The following CHEK2 variants were observed in gnomAD, a reference collection of about 807,000 sequenced individuals.
CHEK2 encodes the protein checkpoint kinase 2.
CHEK2 carries 71 observed loss-of-function variants against 69.1 expected under a neutral mutation model. That is an observed-to-expected ratio of 1.03 (90% confidence interval 0.85 to 1.25). The LOEUF (loss-of-function observed/expected upper bound fraction) is 1.25, where lower values mean the gene tolerates loss of function less well. Among genes scored for constraint, CHEK2 ranks in the 50% most tolerant of loss-of-function variants. The pLI is 0.00. For missense variants in CHEK2, 664 were observed against 649.6 expected, an observed-to-expected ratio of 1.02 and a Z score of -0.24; for synonymous variants, 189 against 226.9, an observed-to-expected ratio of 0.83 and a Z score of 1.50.
rs1555932027 is a variant in CHEK2 at position 28,734,407 on chromosome 22, A to T, written c.315T>A (p.Asn105Lys). 6.2e-7 allele frequency: 1 copy of T among 1,613,848 alleles called. No homozygotes were observed. ...CTATACAACAAAGGGTCTTACCAAGATTGGCAAATCCATCCTGAAGGGCCC... is the reference window on the plus strand; with the variant it reads ...CTATACAACAAAGGGTCTTACCAAGTTTGGCAAATCCATCCTGAAGGGCCC... ...RLWALQDGFA[N>K]LECVNDNYWF... Residue 105 changes from asparagine to lysine, a missense_variant, in exon 2 of 15, where the codon AAT (asparagine) becomes AAA (lysine). Physicochemically the swap from Asn to Lys is moderately conservative, Grantham distance 94. Coordinates refer to ENST00000404276, the MANE Select transcript of CHEK2 (RefSeq NM_007194.4).
intron 8 of CHEK2, among the ~76,000 whole-genome samples, chr22:28,702,498 T>A (rs578172133): frequency 2.0e-4 from 30 of 149,906 alleles, no homozygotes; most frequent in East Asian, 7.9e-4. Flanking sequence ...TTGGCCTCCC[T>A]AAGTGCTGGG....
At chr22:28,731,871 C>G (rs944069666) in intron 2 of CHEK2, among the ~76,000 whole-genome samples, 2 of 152,000 alleles carry the variant, frequency 1.3e-5, no homozygotes, top group Non-Finnish European at 2.9e-5. Context: ...CCATTTAGCC[C>G]TTTCTCACCA....
chr22:28,705,719 A>C (rs2053098220), intron 7 of CHEK2, among the ~76,000 whole-genome samples: 1 of 152,148 alleles, frequency 6.6e-6, no homozygotes, highest in South Asian at 2.1e-4. Flanking sequence ...TGAGGTCAGG[A>C]GTTCGTGACC....
chr22:28,731,592 T>C (rs903183479), intron 2 of CHEK2, among the ~76,000 whole-genome samples: 2 of 152,078 alleles, frequency 1.3e-5, no homozygotes, highest in African/African-American at 4.8e-5. Flanking sequence ...TGAGACTCCG[T>C]CTCAAATAAT....
At chr22:28,709,539 A>G (rs2073326) in intron 7 of CHEK2, among the ~76,000 whole-genome samples, 1 of 152,184 alleles carries the variant, frequency 6.6e-6, no homozygotes, top group Non-Finnish European at 1.5e-5. Context: ...TCCCAGCTAA[A>G]TGACAGCTAG....
At position 28,719,491 on chromosome 22, in the gene CHEK2, GAAGAA is replaced by G. The variant is rs863224414; in HGVS notation, c.593-11_593-7del. The stretch of plus-strand genomic sequence containing the variant: ...CAGATCAAAAAAGACAAAAACTAAG[GAAGAA>G]AAGAGTAGAAATGGGTTTCATTAAT... On this transcript the variant is annotated splice_polypyrimidine_tract_variant and splice_region_variant and intron_variant, in intron 4 of 14. Transcript: ENST00000404276. The G allele has an allele frequency of 3.7e-5, 56 of 1,527,008 alleles. No homozygotes were observed. Among genetic ancestry groups the G allele is most frequent in the Middle Eastern group, 3.5e-4 (2 of 5,794 alleles). 94.6% of individuals were successfully genotyped at this position (1,527,008 alleles called of 1,614,324 possible).
chr22:28,723,604 A>C (rs1012682287), intron 4 of CHEK2, among the ~76,000 whole-genome samples: 2 of 143,486 alleles, frequency 1.4e-5, no homozygotes, highest in African/African-American at 2.6e-5. Flanking sequence ...TCACAAGGAA[A>C]AAAAAAGAAA....
chr22:28,725,464 G>C (rs2146074367), intron 2 of CHEK2, 97 bp from the exon 3 acceptor site: 1 of 1,394,494 alleles, frequency 7.2e-7, no homozygotes, highest in East Asian at 2.3e-5. Context: ...AATAGCCTAA[G>C]AAGGCAATCA....
At position 28,687,875 on chromosome 22, in the gene CHEK2, T is replaced by C. The variant is rs1282403926; in HGVS notation, c.*22A>G. The stretch of plus-strand genomic sequence containing the variant: ...GACAGAGTGAAAGAAGGTACATTTC[T>C]TTCGTGTTCAAACCACGGAGTTCAC... On this transcript the variant is annotated 3_prime_UTR_variant, in exon 15 of 15. Transcript: ENST00000404276. 1 of 1,572,824 alleles carries C rather than the reference T, an allele frequency of 6.4e-7. No individual in the cohort carries two copies. Among genetic ancestry groups the C allele is most frequent in the Non-Finnish European group, 8.6e-7 (1 of 1,158,378 alleles).
chr22:28,687,820 T>C lies in CHEK2; in HGVS notation c.*77A>G, dbSNP rs2052176681. The stretch of plus-strand genomic sequence containing the variant: ...ATTCCCATAATTAAAATACAAACTA[T>C]AAAAAAACAGACTCAAAGAAAAGAA... On this transcript the variant is annotated 3_prime_UTR_variant, in exon 15 of 15. Coordinates refer to ENST00000404276, the MANE Select transcript of CHEK2 (RefSeq NM_007194.4). The C allele has an allele frequency of 2.6e-6, 3 of 1,161,958 alleles. No homozygotes were observed. The highest frequency in any genetic ancestry group is 1.6e-5 in the African/African-American group (1 of 64,412). The allele number at this position is 1,161,958 out of a possible 1,614,324, so 72.0% of individuals were successfully genotyped here.
intron 9 of CHEK2, among the ~76,000 whole-genome samples, chr22:28,698,381 T>A (rs1258322538): frequency 3.3e-5 from 5 of 151,984 alleles, no homozygotes. Flanking sequence ...GGCGACACAG[T>A]GAGACATCAT....
In CHEK2 at chr22:28,710,074, A is replaced by T; in HGVS notation, c.793-15T>A. On this transcript the variant is annotated splice_polypyrimidine_tract_variant and intron_variant, in intron 6 of 14. Transcript: ENST00000404276. ...AGAGCTGGGTCCTTTGATAAACAGA[A>T]TAACAGAGTTTATTAGTAATAATAA... 6.6e-7 allele frequency: 1 copy of T among 1,521,010 alleles called. No individual in the cohort carries two copies. The highest frequency in any genetic ancestry group is 9.1e-7 in the Non-Finnish European group (1 of 1,098,740). The allele number at this position is 1,521,010 out of a possible 1,614,324, so 94.2% of individuals were successfully genotyped here.
Position 28,695,856 on chromosome 22 carries a change from G to A in CHEK2, c.1113C>T (p.His371=), listed in dbSNP as rs876659094. 5 of 1,613,126 alleles carry A rather than the reference G, an allele frequency of 3.1e-6. No homozygotes were observed. Among genetic ancestry groups the A allele is most frequent in the East Asian group, 2.2e-5 (1 of 44,878 alleles). Residue 371 remains histidine, a synonymous_variant, in exon 11 of 15, where the codon CAC becomes CAT. Coordinates refer to ENST00000404276, the MANE Select transcript of CHEK2 (RefSeq NM_007194.4). The stretch of plus-strand genomic sequence containing the variant: ...GAGAGGTCTCTCCCAAAATCTTGGA[G>A]TGCCCAAAATCAGTAATCTAAAATT... ...DCLIKITDFG[H]SKILGETSLM...
At chr22:28,737,555 C>T (rs535479391) in intron 1 of CHEK2, among the ~76,000 whole-genome samples, 63 of 151,886 alleles carry the variant, frequency 4.1e-4, no homozygotes, top group African/African-American at 1.5e-3. Flanking sequence ...TTGCAACCTC[C>T]ACCTCCTGGG....
At chr22:28,702,431 G>T (rs1182786092) in intron 8 of CHEK2, among the ~76,000 whole-genome samples, 1 of 151,238 alleles carries the variant, frequency 6.6e-6, no homozygotes, top group Admixed American at 6.6e-5. Context: ...GTAGAGACAG[G>T]GTTTCACCGT....
At chr22:28,712,360 C>T (rs1167850944) in intron 5 of CHEK2, 6 of 315,966 alleles carry the variant, frequency 1.9e-5, no homozygotes, top group Non-Finnish European at 3.5e-5. Flanking sequence ...TAGAAACAGT[C>T]CTCCCTGGTC....
At chr22:28,721,867 A>C (rs1193452223) in intron 4 of CHEK2, among the ~76,000 whole-genome samples, 1 of 151,850 alleles carries the variant, frequency 6.6e-6, no homozygotes, top group Non-Finnish European at 1.5e-5. Flanking sequence ...AGTAGCTGGG[A>C]CTACAGGAAC....
In CHEK2 at chr22:28,729,762, T is replaced by C. The variant is rs1261778582; in HGVS notation, c.320-4395A>G. Reference sequence around the variant, plus strand: ...CCTAATAAAGAGCTTTTATTTTATTTATTATCTATTTATTTTTAATTTAGA... The same window carrying C: ...CCTAATAAAGAGCTTTTATTTTATTCATTATCTATTTATTTTTAATTTAGA... On this transcript the variant is annotated intron_variant, in intron 2 of 14. Coordinates refer to ENST00000404276, the MANE Select transcript of CHEK2 (RefSeq NM_007194.4). Among the ~76,000 whole-genome samples, 3 of 152,108 alleles carry C rather than the reference T, an allele frequency of 2.0e-5. 1 individual carries two copies. The South Asian group carries it at 6.2e-4, about 32-fold the overall frequency.
At chr22:28,702,135 CTGTGTGTGTGTGTGTGTGTG>C (rs141703411) in intron 8 of CHEK2, among the ~76,000 whole-genome samples, 3 of 140,312 alleles carry the variant, frequency 2.1e-5, no homozygotes, top group African/African-American at 2.7e-5. Flanking sequence ...GTGTGTGTGT[CTGTGTGTGTGTGTGTGTGTG>C]TGTGTGTGTG....
Sources: allele counts gnomAD v4.1 joint callset (sites outside exome capture counted in the v4.1 genomes callset), GRCh38; gene constraint gnomAD v4.1.1; transcripts MANE v1.5; gene names NCBI Gene and HGNC (gene_info 2026-07-23, HGNC 2026-07-21).